CACNA1S: variants seen among roughly 807,000 people sequenced by gnomAD.
The protein encoded by CACNA1S is calcium voltage-gated channel subunit alpha1 S, also known as voltage-dependent L-type calcium channel subunit alpha-1S.
Under a neutral mutation model 207.4 loss-of-function variants are expected in CACNA1S, and 126 were observed. That is an observed-to-expected ratio of 0.61 (90% confidence interval 0.53 to 0.70). The LOEUF (loss-of-function observed/expected upper bound fraction) is 0.70, where lower values mean the gene tolerates loss of function less well. CACNA1S is among the 30% of genes least tolerant of loss of function. The pLI, the probability that CACNA1S is intolerant of heterozygous loss-of-function variation, is 0.00. For synonymous variants in CACNA1S, 960 were observed against 932.7 expected, an observed-to-expected ratio of 1.03 and a Z score of -0.53; for missense variants, 2,349 against 2,422.8, an observed-to-expected ratio of 0.97 and a Z score of 0.64.
At chr1:201,061,499 T>C (rs1661049040) in intron 24 of CACNA1S, 31 bp from the exon 25 acceptor site, 1 of 1,600,180 alleles carries the variant, frequency 6.2e-7, no homozygotes, top group South Asian at 1.1e-5. Flanking sequence ...GAGGACAGAC[T>C]GGGTGGGGTG....
chr1:201,045,785 T>G (rs1376739720), intron 38 of CACNA1S, among the ~76,000 whole-genome samples: 1 of 148,070 alleles, frequency 6.8e-6, no homozygotes, highest in Non-Finnish European at 1.5e-5. Context: ...CCTGATTTTG[T>G]GGTTATGTTG....
In CACNA1S at chr1:201,066,129, C is replaced by G. The variant is rs1254307258; in HGVS notation, c.2745+100G>C. 1 of 1,191,396 alleles carries G rather than the reference C, an allele frequency of 8.4e-7. No homozygotes were observed. The highest frequency in any genetic ancestry group is 1.5e-5 in the African/African-American group (1 of 66,492). 73.8% of individuals were successfully genotyped at this position (1,191,396 alleles called of 1,614,324 possible). A position where few individuals can be genotyped will look rare whatever the true frequency, so the allele number is the denominator to read the frequency against. Reference sequence around the variant, plus strand: ...CCCCTATCTGCCCAGGGAGATGGGACAGGGGTCCCAGCCATGGCTGGGCTG... The same window carrying G: ...CCCCTATCTGCCCAGGGAGATGGGAGAGGGGTCCCAGCCATGGCTGGGCTG... On this transcript the variant is annotated intron_variant, in intron 21 of 43. Transcript: ENST00000362061. The surrounding 1 kb of genome is among the most constrained non-coding windows in gnomAD (Gnocchi z 4.3).
At chr1:201,061,126 T>G in intron 25 of CACNA1S, 141 bp downstream of exon 25, 1 of 745,944 alleles carries the variant, frequency 1.3e-6, no homozygotes, top group Admixed American at 2.1e-5. Context: ...TAGGGTAGGG[T>G]GCATGGAGGC....
chr1:201,070,590 T>C (rs1470674106), intron 16 of CACNA1S, among the ~76,000 whole-genome samples, 186 bp from the exon 17 acceptor site: 1 of 152,122 alleles, frequency 6.6e-6, no homozygotes. Context: ...GTGAGCAGAT[T>C]TGAGCGTCAA....
rs974764229 is a variant in CACNA1S at position 201,069,652 on chromosome 1, C to G, written c.2361-51G>C. On this transcript the variant is annotated intron_variant, in intron 17 of 43. Transcript: ENST00000362061. Reference sequence around the variant, plus strand: ...GGGGAGCTGTGAGCTGCTGGAGGCTCAGGCCTCATCAGCCTCCATCCTGCG... The same window carrying G: ...GGGGAGCTGTGAGCTGCTGGAGGCTGAGGCCTCATCAGCCTCCATCCTGCG... The G allele has an allele frequency of 1.0e-5, 16 of 1,546,118 alleles. No homozygotes were observed. The African/African-American group carries it at 1.4e-4, about 13-fold the overall frequency.
At chr1:201,080,327 G>A (rs1484074316) in intron 10 of CACNA1S, among the ~76,000 whole-genome samples, 1 of 151,896 alleles carries the variant, frequency 6.6e-6, no homozygotes, top group Non-Finnish European at 1.5e-5. Flanking sequence ...TTTCTCAGTA[G>A]GTGGCACTAC....
At chr1:201,083,379 T>A in intron 9 of CACNA1S, 57 bp from the exon 10 acceptor site, 1 of 1,583,322 alleles carries the variant, frequency 6.3e-7, no homozygotes, top group Non-Finnish European at 8.7e-7. Flanking sequence ...GCCCCACCTG[T>A]CCAAGCTACC....
At chr1:201,099,903 T>C (rs984986917) in intron 2 of CACNA1S, among the ~76,000 whole-genome samples, 2 of 152,128 alleles carry the variant, frequency 1.3e-5, no homozygotes, top group African/African-American at 4.8e-5. Flanking sequence ...TTGGGAAGTC[T>C]CAGGGGTAGA....
chr1:201,095,437 T>C (rs1393200175), intron 2 of CACNA1S, among the ~76,000 whole-genome samples: 1 of 152,144 alleles, frequency 6.6e-6, no homozygotes, highest in Non-Finnish European at 1.5e-5. Flanking sequence ...ATATGGAAGA[T>C]AATTTATTTT....
At chr1:201,052,715 T>G (rs1243131459) in intron 31 of CACNA1S, 67 bp from the exon 32 acceptor site, 2 of 1,249,072 alleles carry the variant, frequency 1.6e-6, no homozygotes, top group East Asian at 2.3e-5. Context: ...TATCCCCCAC[T>G]GCCTTCTCCT....
At position 201,100,772 on chromosome 1, in the gene CACNA1S, C is replaced by T. The variant is rs568970528; in HGVS notation, c.259-6751G>A. ...GGTAATGAGGATAATAATAGCTAAGCTTTAGTAAGCACCCGCTTATGAGCC... is the reference window on the plus strand; with the variant it reads ...GGTAATGAGGATAATAATAGCTAAGTTTTAGTAAGCACCCGCTTATGAGCC... On this transcript the variant is annotated intron_variant, in intron 2 of 43. Coordinates refer to ENST00000362061, the MANE Select transcript of CACNA1S (RefSeq NM_000069.3). 1.3e-4 allele frequency among the ~76,000 whole-genome samples: 20 copies of T among 152,022 alleles called. No homozygotes were observed. In the South Asian group the frequency reaches 4.2e-3, roughly 32 times the overall value.
intron 7 of CACNA1S, 142 bp from the exon 8 acceptor site, chr1:201,085,723 G>T: frequency 1.1e-6 from 1 of 903,550 alleles, no homozygotes; most frequent in Non-Finnish European, 1.7e-6. Context: ...TGGGGTCCAG[G>T]TGCCCCTCAA....
chr1:201,068,080 A>C (rs1471512108), intron 19 of CACNA1S, among the ~76,000 whole-genome samples: 1 of 151,968 alleles, frequency 6.6e-6, no homozygotes, highest in Admixed American at 6.6e-5. Context: ...GCTGTGGATA[A>C]GGTGTGGAAA....
chr1:201,053,702 A>T lies in CACNA1S; in HGVS notation c.3667-115T>A. On this transcript the variant is annotated intron_variant, in intron 29 of 43. Transcript: ENST00000362061. This position sits in a 1 kb window ranked among gnomAD's most constrained non-coding sequence, Gnocchi z 5.1. ...TGGGGAGATGTTTGTGGCATGGAGGAACTCCAGCCCCGCCTCTGGCCCCTG... is the reference window on the plus strand; with the variant it reads ...TGGGGAGATGTTTGTGGCATGGAGGTACTCCAGCCCCGCCTCTGGCCCCTG... The T allele has an allele frequency of 9.2e-7, 1 of 1,081,344 alleles. No homozygotes were observed. Among genetic ancestry groups the T allele is most frequent in the Non-Finnish European group, 1.3e-6 (1 of 748,216 alleles). 67.0% of individuals were successfully genotyped at this position (1,081,344 alleles called of 1,614,324 possible).
chr1:201,069,664 GC>G (rs1661383906), intron 17 of CACNA1S, 63 bp from the exon 18 acceptor site: 1 of 1,541,482 alleles, frequency 6.5e-7, no homozygotes, highest in East Asian at 2.5e-5. Context: ...GGCCTCATCA[GC>G]CTCCATCCTG....
In CACNA1S at chr1:201,052,642, C is replaced by T. The variant is rs772126187; in HGVS notation, c.3868G>A (p.Gly1290Arg). 5 of 1,613,244 alleles carry T rather than the reference C, an allele frequency of 3.1e-6. No homozygotes were observed. Among genetic ancestry groups the T allele is most frequent in the Non-Finnish European group, 4.2e-6 (5 of 1,179,412 alleles). Reference protein sequence around the residue: ...IYAVIGMQMFGKIALVDGTQI... With the variant: ...IYAVIGMQMFRKIALVDGTQI... ...GTCCCATCCACCAAGGCGATCTTCC[C>T]AAACATCTGCAAGTCACAAAGGGCC... is the stretch of plus-strand genomic sequence containing the variant. The change falls in exon 32 of 44, where the codon GGG (glycine) becomes AGG (arginine). Residue 1290 changes from glycine (G) to arginine (R), a missense_variant. Gly to Arg is a moderately radical substitution (Grantham distance 125). Transcript: ENST00000362061.
At chr1:201,091,478 C>T (rs1221686154) in intron 5 of CACNA1S, among the ~76,000 whole-genome samples, 162 bp downstream of exon 5, 1 of 152,192 alleles carries the variant, frequency 6.6e-6, no homozygotes. Context: ...AGTAGAGCTG[C>T]CCTTCCTCCA....
At position 201,112,300 on chromosome 1, in the gene CACNA1S, T is replaced by G; in HGVS notation, c.40A>C (p.Lys14Gln). ...SSPQDEGLRK[K>Q]QPKKPVPEIL... ...TCAGGAACTGGCTTCTTGGGCTGTTTCTTCCTCAGGCCTTCATCCTGGGGT... is the reference window on the plus strand; with the variant it reads ...TCAGGAACTGGCTTCTTGGGCTGTTGCTTCCTCAGGCCTTCATCCTGGGGT... The change falls in exon 1 of 44, where the codon AAA (lysine) becomes CAA (glutamine). Residue 14 changes from lysine (K) to glutamine (Q), a missense_variant. Lys to Gln is a moderately conservative substitution (Grantham distance 53). Transcript: ENST00000362061. 1 of 1,613,884 alleles carries G rather than the reference T, an allele frequency of 6.2e-7. No individual in the cohort carries two copies. Among genetic ancestry groups the G allele is most frequent in the Non-Finnish European group, 8.5e-7 (1 of 1,179,930 alleles).
At chr1:201,106,014 T>C (rs1480601857) in intron 2 of CACNA1S, among the ~76,000 whole-genome samples, 1 of 152,152 alleles carries the variant, frequency 6.6e-6, no homozygotes, top group Non-Finnish European at 1.5e-5. Context: ...TACCCATCAG[T>C]GGACACAGGC....
Sources: gnomAD v4.1 joint callset for allele counts (sites outside exome capture counted in the v4.1 genomes callset) on GRCh38, gnomAD v4.1.1 for gene constraint, Gnocchi (gnomAD v3.1) non-coding constraint, MANE v1.5 for transcripts, NCBI Gene and HGNC (gene_info 2026-07-23, HGNC 2026-07-21) for gene names.